Variants in POLK observed in about 807,000 individuals in gnomAD.
The protein encoded by POLK is polymerase (DNA directed) kappa.
A neutral mutation model predicts 94.0 loss-of-function variants in POLK; 76 were observed. The observed-to-expected ratio is 0.81, with a 90% CI of 0.67 to 0.98. The LOEUF is 0.98. Among genes scored for constraint, POLK ranks in the 50% least tolerant of loss-of-function variants. The pLI is 0.00. For missense variants in POLK, 954 were observed against 1,010.1 expected, an observed-to-expected ratio of 0.94 and a Z score of 0.75; for synonymous variants, 349 against 325.4, an observed-to-expected ratio of 1.07 and a Z score of -0.78.
At chr5:75,572,607 C>G (rs1771652305) in intron 4 of POLK, among the ~76,000 whole-genome samples, 3 of 152,046 alleles carry the variant, frequency 2.0e-5, no homozygotes, top group Admixed American at 2.0e-4. Context: ...AATAAGTATG[C>G]CTTAAAACCA....
intron 1 of POLK, among the ~76,000 whole-genome samples, chr5:75,538,097 C>A (rs1262164417): frequency 6.6e-6 from 1 of 152,106 alleles, no homozygotes; most frequent in Non-Finnish European, 1.5e-5. Flanking sequence ...ACCTTGTGAT[C>A]CACCCGCCTC....
chr5:75,520,629 C>A (rs998710380), intron 1 of POLK, among the ~76,000 whole-genome samples: 1 of 152,156 alleles, frequency 6.6e-6, no homozygotes, highest in Non-Finnish European at 1.5e-5. Flanking sequence ...AAACTCCTGG[C>A]CTCAGGCAGT....
chr5:75,550,072 A>G (rs539844534), intron 2 of POLK, among the ~76,000 whole-genome samples: 2 of 152,340 alleles, frequency 1.3e-5, no homozygotes, highest in East Asian at 1.9e-4. Flanking sequence ...AATGATACCA[A>G]TATTCCACAA....
Position 75,553,504 on chromosome 5 carries a change from T to A in POLK, c.255+913T>A, listed in dbSNP as rs5744611. Among the ~76,000 whole-genome samples, 460 of 152,326 alleles carry A rather than the reference T, an allele frequency of 3.0e-3. 4 individuals carry two copies. Among genetic ancestry groups the A allele is most frequent in the South Asian group, 2.3e-3 (11 of 4,832 alleles). ...ACATATGCCTTCTCAGAGCACAAGATAATTTTTAAGTGGTCTTCTATTATG... is the reference window on the plus strand; with the variant it reads ...ACATATGCCTTCTCAGAGCACAAGAAAATTTTTAAGTGGTCTTCTATTATG... On this transcript the variant is annotated intron_variant, in intron 3 of 14. Transcript: ENST00000241436.
intron 8 of POLK, 76 bp from the exon 9 acceptor site, chr5:75,584,684 A>G: frequency 1.2e-6 from 1 of 843,968 alleles, no homozygotes. Flanking sequence ...AAAAAAAAAA[A>G]GTGTAATGAG....
intron 1 of POLK, chr5:75,512,124 A>C: frequency 4.0e-6 from 1 of 250,564 alleles, no homozygotes; most frequent in East Asian, 8.6e-5. Flanking sequence ...GCTTGTCGAA[A>C]GCCCGGGAGC....
chr5:75,529,995 T>C (rs1221215752), intron 1 of POLK, among the ~76,000 whole-genome samples: 1 of 152,160 alleles, frequency 6.6e-6, no homozygotes, highest in Non-Finnish European at 1.5e-5. Context: ...AAAACTTTCC[T>C]TTTTTGAATA....
At chr5:75,533,385 A>T (rs1769276330) in intron 1 of POLK, among the ~76,000 whole-genome samples, 1 of 152,210 alleles carries the variant, frequency 6.6e-6, no homozygotes, top group Admixed American at 6.5e-5. Flanking sequence ...GTCAAATATC[A>T]AATGATTGTA....
rs141290112 is a variant in POLK, at chr5:75,584,870, A to C, written c.1170A>C (p.Thr390=). The change falls in exon 9 of 15, where the codon ACA becomes ACC. Residue 390 remains threonine, a synonymous_variant. Transcript: ENST00000241436. ...TGCTTTCTCTCCTTTTCTCTGAAAC[A>C]TCTTGGCATTATTTCCTTCATATCT... 4.4e-6 allele frequency: 7 copies of C among 1,607,842 alleles called. No homozygotes were observed. The African/African-American group carries it at 9.4e-5, about 22-fold the overall frequency.
intron 1 of POLK, among the ~76,000 whole-genome samples, chr5:75,520,665 C>T (rs1768531460): frequency 6.6e-6 from 1 of 152,160 alleles, no homozygotes; most frequent in Admixed American, 6.5e-5. Context: ...TTCCAAGTAG[C>T]TAGTATTACA....
At chr5:75,530,810 C>CTTTTTTTTTT (rs1166307868) in intron 1 of POLK, among the ~76,000 whole-genome samples, 11 of 133,804 alleles carry the variant, frequency 8.2e-5, no homozygotes, top group African/African-American at 1.4e-4. Flanking sequence ...CTTTTCTTTT[C>CTTTTTTTTTT]TTTTTTTTTT....
chr5:75,589,477 G>T (rs981117426), intron 10 of POLK, among the ~76,000 whole-genome samples: 6 of 150,648 alleles, frequency 4.0e-5, no homozygotes, highest in African/African-American at 1.5e-4. Flanking sequence ...TTGAGAGGGA[G>T]TCTCGCTCTG....
intron 11 of POLK, among the ~76,000 whole-genome samples, chr5:75,593,014 C>T (rs1194540014): frequency 6.6e-6 from 1 of 152,162 alleles, no homozygotes; most frequent in Admixed American, 6.5e-5. Context: ...CACGATCATG[C>T]CACTGTACTC....
At chr5:75,511,458 G>C (rs977873801), upstream of POLK, 33 of 1,529,486 alleles carry the variant, frequency 2.2e-5, no homozygotes, top group Non-Finnish European at 2.9e-5. Flanking sequence ...CGCCGCCGTC[G>C]CCGTGACCCC....
downstream of POLK, among the ~76,000 whole-genome samples, chr5:75,605,484 C>T (rs189207005): frequency 2.3e-4 from 35 of 152,190 alleles, no homozygotes; most frequent in African/African-American, 8.4e-4. Context: ...TATGAAGGCT[C>T]AAAAGTTTTT....
Position 75,565,197 on chromosome 5 carries a change from C to G in POLK, c.256-4143C>G, listed in dbSNP as rs149663015. Among the ~76,000 whole-genome samples, 317 of 152,120 alleles carry G rather than the reference C, an allele frequency of 2.1e-3. 1 individual carries two copies. The East Asian group carries it at 0.028, about 13-fold the overall frequency. On this transcript the variant is annotated intron_variant, in intron 3 of 14. Coordinates refer to ENST00000241436, the Ensembl canonical transcript of POLK. The stretch of plus-strand genomic sequence containing the variant: ...AGCTATTGATACTTGTGTATGCTTC[C>G]CGAAGTTCTTGTGCTGTGTTTTTCA...
chr5:75,519,955 C>T (rs555782700), intron 1 of POLK, among the ~76,000 whole-genome samples: 1 of 152,132 alleles, frequency 6.6e-6, no homozygotes, highest in South Asian at 2.1e-4. Context: ...CCTCTCTTTT[C>T]CTTTCTGTGT....
chr5:75,552,464 C>T lies in POLK; in HGVS notation c.136-8C>T, dbSNP rs892666063. On this transcript the variant is annotated splice_region_variant and splice_polypyrimidine_tract_variant and intron_variant, in intron 2 of 14. Transcript: ENST00000241436. ...TTTTCTTATGCTTTGTTTTGTTTTC[C>T]TCCATAGGGGTCCAGATTTTATGGA... is the stretch of plus-strand genomic sequence containing the variant. The T allele has an allele frequency of 1.9e-6, 3 of 1,606,888 alleles. No homozygotes were observed. The highest frequency in any genetic ancestry group is 1.7e-5 in the Admixed American group (1 of 58,246).
At chr5:75,511,764 G>A in exon 1 of POLK, 2 of 1,551,316 alleles carry the variant, frequency 1.3e-6, no homozygotes, top group Non-Finnish European at 1.7e-6. Context: ...CCTACCTCCG[G>A]CTCTCCCGGG....
Sources: gnomAD v4.1 joint callset for allele counts (sites outside exome capture counted in the v4.1 genomes callset) on GRCh38, gnomAD v4.1.1 for gene constraint, MANE v1.5 for transcripts, NCBI Gene and HGNC (gene_info 2026-07-23, HGNC 2026-07-21) for gene names.